Variants in EFL1 observed in about 807,000 individuals in gnomAD.
The protein encoded by EFL1 is elongation factor-like GTPase 1.
EFL1 carries 76 observed loss-of-function variants against 126.7 expected under a neutral mutation model. The ratio of observed to expected loss-of-function variants is 0.60; its 90% CI spans 0.50 to 0.73. The LOEUF (loss-of-function observed/expected upper bound fraction) is 0.73. EFL1 is among the 30% of genes least tolerant of loss of function. The probability of loss-of-function intolerance (pLI) is 0.00; values close to 1 mark genes in which losing one functional copy is unlikely to be tolerated. For missense variants in EFL1, 1,128 were observed against 1,343.2 expected, an observed-to-expected ratio of 0.84 and a Z score of 2.50; for synonymous variants, 410 against 448.4, an observed-to-expected ratio of 0.91 and a Z score of 1.08.
chr15:82,170,871 C>T (rs1475833702), intron 15 of EFL1, among the ~76,000 whole-genome samples: 1 of 152,130 alleles, frequency 6.6e-6, no homozygotes, highest in Non-Finnish European at 1.5e-5. Context: ...AAGTGATACT[C>T]CTTTAACATG....
chr15:82,220,715 G>A (rs1465413864), intron 12 of EFL1, among the ~76,000 whole-genome samples: 1 of 150,512 alleles, frequency 6.6e-6, no homozygotes, highest in Non-Finnish European at 1.5e-5. Context: ...GACCTAAGAA[G>A]TACCATCACA....
chr15:82,232,942 T>C (rs2074837288), intron 7 of EFL1, among the ~76,000 whole-genome samples: 1 of 152,164 alleles, frequency 6.6e-6, no homozygotes. Context: ...ACCCAGACTG[T>C]ATTATACATT....
chr15:82,179,977 G>T (rs1468674554), intron 15 of EFL1, among the ~76,000 whole-genome samples: 1 of 152,118 alleles, frequency 6.6e-6, no homozygotes, highest in African/African-American at 2.4e-5. Context: ...GGTAAAACTG[G>T]TTTAAAACTA....
At chr15:82,207,816 G>A (rs60439528) in intron 15 of EFL1, among the ~76,000 whole-genome samples, 16,923 of 150,204 alleles carry the variant, frequency 0.11, 1,857 homozygotes, top group African/African-American at 0.29. Context: ...TGCCTCCCCC[G>A]GGTTCAAGGG....
chr15:82,134,062 C>G (rs2073692669), intron 19 of EFL1, among the ~76,000 whole-genome samples: 1 of 152,160 alleles, frequency 6.6e-6, no homozygotes, highest in African/African-American at 2.4e-5. Flanking sequence ...TTATTTCGAA[C>G]CATTTATACC....
chr15:82,145,082 T>C (rs1024280899), intron 18 of EFL1, among the ~76,000 whole-genome samples: 13 of 151,402 alleles, frequency 8.6e-5, no homozygotes, highest in Non-Finnish European at 1.8e-4. Context: ...GGCGGGTTGA[T>C]AACTTGAGGT....
intron 5 of EFL1, 114 bp from the exon 6 acceptor site, chr15:82,240,669 T>G: frequency 8.1e-7 from 1 of 1,232,922 alleles, no homozygotes; most frequent in Non-Finnish European, 1.1e-6. Context: ...AAGGTATTCA[T>G]TAGGCATTCA....
intron 15 of EFL1, among the ~76,000 whole-genome samples, chr15:82,192,884 A>G (rs1329539171): frequency 6.6e-6 from 1 of 152,216 alleles, no homozygotes. Flanking sequence ...GAAAAAAAGT[A>G]CAAAAGCACC....
At chr15:82,226,018 C>T (rs113250004) in intron 11 of EFL1, among the ~76,000 whole-genome samples, 2 of 152,048 alleles carry the variant, frequency 1.3e-5, no homozygotes, top group African/African-American at 4.8e-5. Flanking sequence ...AGAAGTCTTG[C>T]CAGTGGAAGC....
At chr15:82,174,271 G>C (rs1184687437) in intron 15 of EFL1, 1 of 152,060 alleles carries the variant, frequency 6.6e-6, no homozygotes, top group Non-Finnish European at 1.5e-5. Flanking sequence ...GTATGCAGTA[G>C]AGCTTCCCAC....
chr15:82,238,928 C>T (rs2074902162), intron 6 of EFL1, among the ~76,000 whole-genome samples: 1 of 152,152 alleles, frequency 6.6e-6, no homozygotes, highest in Non-Finnish European at 1.5e-5. Flanking sequence ...CTACCCTCTT[C>T]AGGCCCTCTT....
chr15:82,257,312 A>T (rs949293955), intron 3 of EFL1, among the ~76,000 whole-genome samples: 1 of 152,174 alleles, frequency 6.6e-6, no homozygotes, highest in Non-Finnish European at 1.5e-5. Context: ...TGGGTATCAC[A>T]TATTTCTGCC....
intron 19 of EFL1, among the ~76,000 whole-genome samples, chr15:82,132,718 G>A (rs529655958): frequency 1.3e-5 from 2 of 149,936 alleles, no homozygotes; most frequent in East Asian, 2.0e-4. Context: ...GCAGACAAGG[G>A]CGAATGGATG....
chr15:82,151,147 G>A (rs2073902007), intron 18 of EFL1, among the ~76,000 whole-genome samples: 1 of 152,158 alleles, frequency 6.6e-6, no homozygotes, highest in African/African-American at 2.4e-5. Context: ...AACTTTGGGA[G>A]GCCAAAGTGG....
chr15:82,138,686 C>A lies in EFL1; in HGVS notation c.3146G>T (p.Ser1049Ile). 1 of 1,613,874 alleles carries A rather than the reference C, an allele frequency of 6.2e-7. No homozygotes were observed. Among genetic ancestry groups the A allele is most frequent in the Non-Finnish European group, 8.5e-7 (1 of 1,179,856 alleles). The change falls in exon 19 of 20, where the codon AGC (serine) becomes ATC (isoleucine). Residue 1049 changes from serine (S) to isoleucine (I), a missense_variant. Physicochemically the swap from Ser to Ile is moderately radical, Grantham distance 142 (BLOSUM62 -2). Coordinates refer to ENST00000268206, the MANE Select transcript of EFL1 (RefSeq NM_024580.6). ...EIRKRTSGLASPQLVFSHWEI... is the reference protein window; with the variant it reads ...EIRKRTSGLAIPQLVFSHWEI... ...CCAATGGCTGAATACTAGTTGTGGG[C>A]TGGCCAGGCCACTTGTCCTCTTCCT...
chr15:82,249,080 G>A (rs189843453), intron 4 of EFL1, among the ~76,000 whole-genome samples: 1 of 152,098 alleles, frequency 6.6e-6, no homozygotes. Flanking sequence ...GTGATGAACT[G>A]AGAGTGATTT....
In EFL1 at chr15:82,229,084, T is replaced by C. The variant is rs771115594; in HGVS notation, c.882A>G (p.Val294=). 2 of 1,611,586 alleles carry C rather than the reference T, an allele frequency of 1.2e-6. No homozygotes were observed. The highest frequency in any genetic ancestry group is 1.7e-5 in the Admixed American group (1 of 59,854). The change falls in exon 9 of 20, where the codon GTA becomes GTG. Residue 294 remains valine (V), a synonymous_variant. Transcript: ENST00000268206. ...TCCATATATTTTCCAGGATCAACTG[T>C]ACAAATAAAGGTTTCTTTCCTTTGG... ...DQAKGKKPLF[V]QLILENIWSL... is the part of the protein sequence containing the mutation.
At chr15:82,219,102 A>G (rs1357995586) in intron 14 of EFL1, among the ~76,000 whole-genome samples, 3 of 152,192 alleles carry the variant, frequency 2.0e-5, no homozygotes, top group Non-Finnish European at 2.9e-5. Context: ...TATAATGTAT[A>G]TATCTTGCTT....
At chr15:82,172,459 T>TA (rs1595958898) in intron 15 of EFL1, among the ~76,000 whole-genome samples, 2 of 152,146 alleles carry the variant, frequency 1.3e-5, no homozygotes, top group East Asian at 3.9e-4. Flanking sequence ...TACTGGCAGT[T>TA]AGTGAGCAGG....
Sources: allele counts gnomAD v4.1 joint callset (sites outside exome capture counted in the v4.1 genomes callset), GRCh38; gene constraint gnomAD v4.1.1; transcripts MANE v1.5; gene names NCBI Gene and HGNC (gene_info 2026-07-23, HGNC 2026-07-21).